CSMD1: variants seen among roughly 807,000 people sequenced by gnomAD.
CSMD1 encodes CUB and Sushi multiple domains 1, also known as CUB and sushi domain-containing protein 1.
CSMD1 carries 213 observed loss-of-function variants against 417.5 expected under a neutral mutation model. That is an observed-to-expected ratio of 0.51 (90% CI 0.46 to 0.57). The LOEUF (loss-of-function observed/expected upper bound fraction) is 0.57, where lower values mean the gene tolerates loss of function less well. Among genes scored for constraint, CSMD1 ranks in the 20% least tolerant of loss-of-function variants. The pLI is 0.00. For missense variants in CSMD1, 6,923 were observed against 4,529.7 expected, an observed-to-expected ratio of 1.53 and a Z score of -15.17; for synonymous variants, 2,862 against 1,736.8, an observed-to-expected ratio of 1.65 and a Z score of -16.11.
intron 5 of CSMD1, among the ~76,000 whole-genome samples, chr8:3,974,576 G>T (rs886419162): frequency 6.6e-6 from 1 of 151,872 alleles, no homozygotes; most frequent in East Asian, 1.9e-4. Context: ...AGAACTAGTG[G>T]CAATCCTTTT....
intron 1 of CSMD1, among the ~76,000 whole-genome samples, chr8:4,664,659 T>G (rs151256698): frequency 1.3e-4 from 20 of 152,320 alleles, no homozygotes; most frequent in Non-Finnish European, 1.5e-4. Flanking sequence ...AATTCACATG[T>G]GCTTATTATT....
chr8:4,304,958 G>C lies in CSMD1; in HGVS notation c.415+114995C>G, dbSNP rs193027721. Among the ~76,000 whole-genome samples, 10 of 152,216 alleles carry C rather than the reference G, an allele frequency of 6.6e-5. No homozygotes were observed. In the East Asian group the frequency reaches 1.9e-3, roughly 29 times the overall value. ...ACTCTTTTATCAGGCTGTGGTATTT[G>C]CTACACTAACGTCTGGATGGTAATG... On this transcript the variant is annotated intron_variant, in intron 3 of 69. Transcript: ENST00000635120.
rs183231270 is a variant in CSMD1, at chr8:3,168,773, T to C, written c.5726-6496A>G. Among the ~76,000 whole-genome samples the C allele has an allele frequency of 2.4e-3, 362 of 152,224 alleles. 1 individual carries two copies. The highest frequency in any genetic ancestry group is 7.7e-3 in the African/African-American group (320 of 41,558). ...AGAGGTAAAAAGATTTTGTCTCATC[T>C]GTAAACTGTTGGCAGGTTTGACACA... is the stretch of plus-strand genomic sequence containing the variant. On this transcript the variant is annotated intron_variant, in intron 37 of 69. Coordinates refer to ENST00000635120, the MANE Select transcript of CSMD1 (RefSeq NM_033225.6).
At position 3,627,769 on chromosome 8, in the gene CSMD1, G is replaced by A. The variant is rs536500334; in HGVS notation, c.1010-10972C>T. Among the ~76,000 whole-genome samples the A allele has an allele frequency of 2.6e-5, 4 of 152,278 alleles. No homozygotes were observed. In the East Asian group the frequency reaches 5.8e-4, roughly 22 times the overall value. Reference sequence around the variant, plus strand: ...TTACTTTGCTGAAGAAATGAGAAAAGTGAGGGTTGGAATTTCAGCCAGCAC... The same window carrying A: ...TTACTTTGCTGAAGAAATGAGAAAAATGAGGGTTGGAATTTCAGCCAGCAC... On this transcript the variant is annotated intron_variant, in intron 7 of 69. Transcript: ENST00000635120.
At chr8:3,521,664 A>G (rs1255523327) in intron 10 of CSMD1, among the ~76,000 whole-genome samples, 2 of 152,210 alleles carry the variant, frequency 1.3e-5, no homozygotes, top group Non-Finnish European at 2.9e-5. Context: ...AGTAAATGTT[A>G]TAACTGGAAG....
chr8:4,423,686 T>G (rs892416811), intron 2 of CSMD1, among the ~76,000 whole-genome samples: 5 of 151,880 alleles, frequency 3.3e-5, no homozygotes, highest in Non-Finnish European at 4.4e-5. Context: ...CAAGAATTTT[T>G]GGGTATATAG....
chr8:4,919,521 G>A (rs968917234), intron 1 of CSMD1, among the ~76,000 whole-genome samples: 3 of 152,156 alleles, frequency 2.0e-5, no homozygotes, highest in African/African-American at 7.2e-5. Context: ...GAAGGCAGAA[G>A]TTTGCATTAG....
intron 2 of CSMD1, among the ~76,000 whole-genome samples, chr8:4,633,177 G>A (rs147092441): frequency 6.8e-6 from 1 of 146,014 alleles, no homozygotes; most frequent in East Asian, 2.1e-4. Flanking sequence ...AGGAGCCTTC[G>A]TAGGAACATT....
chr8:4,129,436 G>A (rs1802963022), intron 3 of CSMD1, among the ~76,000 whole-genome samples: 1 of 152,124 alleles, frequency 6.6e-6, no homozygotes, highest in Non-Finnish European at 1.5e-5. Context: ...TTAGGTAGAT[G>A]TACTGAGACA....
chr8:3,817,511 C>T (rs187629471), intron 5 of CSMD1, among the ~76,000 whole-genome samples: 1 of 151,944 alleles, frequency 6.6e-6, no homozygotes, highest in Admixed American at 6.6e-5. Context: ...AATCTCCTGA[C>T]CTTGTGATCC....
chr8:4,698,410 T>C (rs1807276050), intron 1 of CSMD1, among the ~76,000 whole-genome samples: 1 of 152,116 alleles, frequency 6.6e-6, no homozygotes. Context: ...CCTCCAAAGC[T>C]CTGTTCTGCA....
Position 3,311,916 on chromosome 8 carries a change from TA to T in CSMD1, c.3632-3414del, listed in dbSNP as rs1437676275. Reference sequence around the variant, plus strand: ...TTATAGCTATTAATGCTTTAAACGTTATCCAGAATATGCCTCTATGTTCAGA... The same window carrying T: ...TTATAGCTATTAATGCTTTAAACGTTTCCAGAATATGCCTCTATGTTCAGA... On this transcript the variant is annotated intron_variant, in intron 23 of 69. Transcript: ENST00000635120. Among the ~76,000 whole-genome samples, 4 of 152,228 alleles carry T rather than the reference TA, an allele frequency of 2.6e-5. No homozygotes were observed. The East Asian group carries it at 7.7e-4, about 29-fold the overall frequency.
chr8:4,934,553 T>C (rs917537619), intron 1 of CSMD1, among the ~76,000 whole-genome samples: 1 of 152,186 alleles, frequency 6.6e-6, no homozygotes, highest in African/African-American at 2.4e-5. Flanking sequence ...AGGAACGAGA[T>C]GGAGACTGCA....
At chr8:4,926,199 G>C (rs1397536302) in intron 1 of CSMD1, among the ~76,000 whole-genome samples, 2 of 152,284 alleles carry the variant, frequency 1.3e-5, no homozygotes, top group Middle Eastern at 3.4e-3. Context: ...TCAAATTGCA[G>C]GGTAAAGAAA....
chr8:3,930,228 A>G (rs779373106), intron 5 of CSMD1, among the ~76,000 whole-genome samples: 1 of 150,352 alleles, frequency 6.7e-6, no homozygotes, highest in Non-Finnish European at 1.5e-5. Context: ...AGTAAAGTAG[A>G]GGTCCTTCTT....
At chr8:3,543,581 G>A (rs1445059412) in intron 10 of CSMD1, among the ~76,000 whole-genome samples, 1 of 151,806 alleles carries the variant, frequency 6.6e-6, no homozygotes, top group Non-Finnish European at 1.5e-5. Context: ...TGAATGTGGG[G>A]TATGAGAACA....
At chr8:4,471,608 G>C (rs59146225) in intron 2 of CSMD1, among the ~76,000 whole-genome samples, 4 of 152,018 alleles carry the variant, frequency 2.6e-5, no homozygotes, top group Admixed American at 6.6e-5. Flanking sequence ...AAACAACCCA[G>C]AACATTACAC....
chr8:3,524,710 G>A (rs1797683172), intron 10 of CSMD1, among the ~76,000 whole-genome samples: 1 of 143,092 alleles, frequency 7.0e-6, no homozygotes, highest in Non-Finnish European at 1.5e-5. Flanking sequence ...GCACACACAA[G>A]CACATACATG....
At chr8:3,166,165 CT>C (rs1415570878) in intron 37 of CSMD1, among the ~76,000 whole-genome samples, 1 of 151,724 alleles carries the variant, frequency 6.6e-6, no homozygotes, top group Admixed American at 6.6e-5. Flanking sequence ...TCTTTTTAGA[CT>C]TTTAAAAAGA....
Sources: gnomAD v4.1 joint callset for allele counts (sites outside exome capture counted in the v4.1 genomes callset) on GRCh38, gnomAD v4.1.1 for gene constraint, MANE v1.5 for transcripts, NCBI Gene and HGNC (gene_info 2026-07-23, HGNC 2026-07-21) for gene names.